Variants in DTWD2 observed in about 807,000 individuals in gnomAD.
DTWD2 encodes the protein tRNA-uridine aminocarboxypropyltransferase 2.
A neutral mutation model predicts 31.8 loss-of-function variants in DTWD2; 39 were observed. The observed-to-expected ratio is 1.22, with a 90% CI of 0.95 to 1.60. The LOEUF (loss-of-function observed/expected upper bound fraction) is 1.60. DTWD2 is among the 40% of genes most tolerant of loss of function. The probability of loss-of-function intolerance (pLI) is 0.00; values close to 1 mark genes in which losing one functional copy is unlikely to be tolerated. For missense variants in DTWD2, 515 were observed against 381.5 expected (o/e 1.35, Z -2.92); for synonymous variants, 180 against 142.8 (o/e 1.26, Z -1.86).
rs1388377878 is a variant in DTWD2 at position 118,950,026 on chromosome 5, T to C, written c.219-5377A>G. 6.6e-5 allele frequency among the ~76,000 whole-genome samples: 10 copies of C among 151,994 alleles called. No homozygotes were observed. The East Asian group carries it at 1.6e-3, about 24-fold the overall frequency. On this transcript the variant is annotated intron_variant, in intron 1 of 5. Coordinates refer to ENST00000510708, the MANE Select transcript of DTWD2 (RefSeq NM_173666.4). ...GAGATCGAGACCATCCTGGCTAACA[T>C]GGTGAAACCCCGTCACTATTAAAAA... is the stretch of plus-strand genomic sequence containing the variant.
At chr5:118,868,926 C>T (rs537088976) in intron 4 of DTWD2, among the ~76,000 whole-genome samples, 3 of 150,898 alleles carry the variant, frequency 2.0e-5, no homozygotes, top group African/African-American at 7.3e-5. Context: ...GAACATTACG[C>T]TAAGCAAAAT....
At chr5:118,967,029 C>CAA (rs1428318068) in intron 1 of DTWD2, among the ~76,000 whole-genome samples, 3 of 74,310 alleles carry the variant, frequency 4.0e-5, no homozygotes, top group Non-Finnish European at 5.6e-5. Context: ...GACTCCATCT[C>CAA]AAAAAAAAAA....
Position 118,838,613 on chromosome 5 carries a change from G to C in DTWD2, c.*2304C>G, listed in dbSNP as rs1312732340. On this transcript the variant is annotated 3_prime_UTR_variant, in exon 6 of 6. Transcript: ENST00000510708. ...ATTTTATACCACAGATGATTAAATG[G>C]ACTCACCTTGTTAAGAGGTCAGGAA... 1 of 152,042 alleles carries C rather than the reference G, an allele frequency of 6.6e-6. No homozygotes were observed. The highest frequency in any genetic ancestry group is 2.4e-5 in the African/African-American group (1 of 41,412). 9.4% of individuals were successfully genotyped at this position (152,042 alleles called of 1,614,324 possible).
chr5:118,980,612 T>A (rs1469209407), intron 1 of DTWD2, among the ~76,000 whole-genome samples: 1 of 152,192 alleles, frequency 6.6e-6, no homozygotes, highest in East Asian at 1.9e-4. Context: ...CAATGAAATA[T>A]CACTTCATGC....
intron 4 of DTWD2, among the ~76,000 whole-genome samples, chr5:118,865,060 T>C (rs537829927): frequency 7.9e-5 from 12 of 152,250 alleles, no homozygotes; most frequent in African/African-American, 2.6e-4. Flanking sequence ...ATAATGTACA[T>C]GGCTTTCCAA....
At chr5:118,932,145 GTCTGAGCT>G (rs964402603) in intron 3 of DTWD2, among the ~76,000 whole-genome samples, 1 of 151,908 alleles carries the variant, frequency 6.6e-6, no homozygotes. Context: ...AAAATCAACA[GTCTGAGCT>G]TCCTCCTTAA....
chr5:118,886,586 A>G (rs1300839230), intron 4 of DTWD2, among the ~76,000 whole-genome samples: 6 of 152,230 alleles, frequency 3.9e-5, no homozygotes, highest in Non-Finnish European at 8.8e-5. Flanking sequence ...AAATTCATAT[A>G]GAAGTGAGGG....
chr5:118,959,557 A>G (rs555314624), intron 1 of DTWD2, among the ~76,000 whole-genome samples: 2 of 152,334 alleles, frequency 1.3e-5, no homozygotes, highest in South Asian at 4.1e-4. Flanking sequence ...TCCTATTTCT[A>G]TCAAACTACC....
intron 3 of DTWD2, among the ~76,000 whole-genome samples, chr5:118,931,509 A>T (rs1448560098): frequency 1.3e-5 from 2 of 152,210 alleles, no homozygotes; most frequent in Non-Finnish European, 1.5e-5. Flanking sequence ...ATTACATAAT[A>T]ACAAGAGTCA....
intron 4 of DTWD2, among the ~76,000 whole-genome samples, chr5:118,850,167 A>G (rs1751963940): frequency 6.6e-6 from 1 of 151,916 alleles, no homozygotes. Context: ...CCATACACAA[A>G]AATTAATTCA....
chr5:118,970,887 A>C (rs1481479607), intron 1 of DTWD2, among the ~76,000 whole-genome samples: 1 of 152,194 alleles, frequency 6.6e-6, no homozygotes, highest in East Asian at 1.9e-4. Flanking sequence ...GGCCAAAATA[A>C]GCTTAATAAG....
At chr5:118,876,772 G>T (rs1041666917) in intron 4 of DTWD2, among the ~76,000 whole-genome samples, 1 of 152,158 alleles carries the variant, frequency 6.6e-6, no homozygotes, top group African/African-American at 2.4e-5. Context: ...GGACCAGATG[G>T]ATTCACAGCT....
intron 5 of DTWD2, among the ~76,000 whole-genome samples, chr5:118,844,194 T>C (rs1751792294): frequency 6.6e-6 from 1 of 152,226 alleles, no homozygotes; most frequent in Non-Finnish European, 1.5e-5. Context: ...TAAATCCTTT[T>C]TGCTGCATGT....
intron 4 of DTWD2, among the ~76,000 whole-genome samples, chr5:118,908,675 C>G (rs1373826078): frequency 6.7e-6 from 1 of 149,950 alleles, no homozygotes; most frequent in Non-Finnish European, 1.5e-5. Context: ...AAAAAGAAAC[C>G]AACTCACTGA....
At chr5:118,905,903 T>A (rs539863987) in intron 4 of DTWD2, among the ~76,000 whole-genome samples, 11 of 152,178 alleles carry the variant, frequency 7.2e-5, no homozygotes, top group African/African-American at 2.4e-4. Context: ...ATTCTGCACA[T>A]CCCAAGAGAC....
intron 4 of DTWD2, among the ~76,000 whole-genome samples, chr5:118,866,127 T>G (rs961745366): frequency 6.6e-6 from 1 of 152,154 alleles, no homozygotes; most frequent in East Asian, 1.9e-4. Context: ...ATGAAAGTTA[T>G]GAATCTAAAA....
chr5:118,922,455 A>C (rs1753724340), intron 4 of DTWD2, among the ~76,000 whole-genome samples: 1 of 152,188 alleles, frequency 6.6e-6, no homozygotes, highest in Non-Finnish European at 1.5e-5. Context: ...AATTCTATGC[A>C]AAAAACAGGG....
intron 1 of DTWD2, among the ~76,000 whole-genome samples, chr5:118,945,108 A>C (rs184549858): frequency 6.6e-6 from 1 of 152,356 alleles, no homozygotes. Flanking sequence ...CTTAGCCATC[A>C]ATCAATACAG....
chr5:118,886,739 G>A (rs942986071), intron 4 of DTWD2, among the ~76,000 whole-genome samples: 4 of 152,072 alleles, frequency 2.6e-5, no homozygotes, highest in Admixed American at 2.0e-4. Context: ...TTAAAAAGCT[G>A]AATGTTTCTA....
Sources: gnomAD v4.1 joint callset for allele counts (sites outside exome capture counted in the v4.1 genomes callset) on GRCh38, gnomAD v4.1.1 for gene constraint, MANE v1.5 for transcripts, NCBI Gene and HGNC (gene_info 2026-07-23, HGNC 2026-07-21) for gene names.